ADGRE2: variants seen among roughly 807,000 people sequenced by gnomAD.
ADGRE2 encodes adhesion G protein-coupled receptor E2.
In ADGRE2, 83 loss-of-function variants were observed where a neutral mutation model predicts 100.8. The observed-to-expected ratio is 0.82, with a 90% CI of 0.69 to 0.99. The LOEUF is 0.99. Among genes scored for constraint, ADGRE2 ranks in the 50% least tolerant of loss-of-function variants. The probability of loss-of-function intolerance (pLI) is 0.00; values close to 1 mark genes in which losing one functional copy is unlikely to be tolerated. For synonymous variants in ADGRE2, 355 were observed against 413.0 expected, an observed-to-expected ratio of 0.86 and a Z score of 1.70; for missense variants, 814 against 1,035.7, an observed-to-expected ratio of 0.79 and a Z score of 2.94.
rs1326847703 is a variant in ADGRE2 at position 14,772,206 on chromosome 19, A to C, written c.355+136T>G. 7 of 1,277,476 alleles carry C rather than the reference A, an allele frequency of 5.5e-6. No individual in the cohort carries two copies. In the Admixed American group the frequency reaches 5.5e-5, roughly 10 times the overall value. The allele number at this position is 1,277,476 out of a possible 1,614,324, so 79.1% of individuals were successfully genotyped here. ...CTCTCTGGGCTGGCGAAACAGGTAC[A>C]TGCACACCTGTCTCATCTCAGACTC... On this transcript the variant is annotated intron_variant, in intron 5 of 20. Transcript: ENST00000315576.
chr19:14,730,948 C>T (rs1295599499), downstream of ADGRE2, among the ~76,000 whole-genome samples: 1 of 151,854 alleles, frequency 6.6e-6, no homozygotes, highest in Admixed American at 6.6e-5. Flanking sequence ...ATGATGGTTC[C>T]AGCTGCATTC....
Position 14,764,436 on chromosome 19 carries a change from T to G in ADGRE2, c.1081A>C (p.Thr361Pro). The change falls in exon 11 of 21, where the codon ACA (threonine) becomes CCA (proline). Residue 361 changes from threonine to proline, a missense_variant. This residue lies in a region of ADGRE2 where 569 missense variants were observed against 692.7 expected (regional missense o/e 0.82). Transcript: ENST00000315576. Reference protein sequence around the residue: ...GLLNFSYPAGTELSLEVQKQV... With the variant: ...GLLNFSYPAGPELSLEVQKQV... ...TGGGGCAGACCCAGGGACCTACCTGTGCCTGCAGGATAACTGAAGTTCAAC... is the reference window on the plus strand; with the variant it reads ...TGGGGCAGACCCAGGGACCTACCTGGGCCTGCAGGATAACTGAAGTTCAAC... The G allele has an allele frequency of 1.2e-6, 2 of 1,612,942 alleles. No individual in the cohort carries two copies. Among genetic ancestry groups the G allele is most frequent in the Non-Finnish European group, 1.7e-6 (2 of 1,179,878 alleles).
Position 14,736,023 on chromosome 19 carries a change from AGAGTTTGAT to A in ADGRE2, c.*204_*212del, listed in dbSNP as rs1444642472. 1 of 518,366 alleles carries A rather than the reference AGAGTTTGAT, an allele frequency of 1.9e-6. No homozygotes were observed. The highest frequency in any genetic ancestry group is 3.6e-6 in the Non-Finnish European group (1 of 279,258). 32.1% of individuals were successfully genotyped at this position (518,366 alleles called of 1,614,324 possible). Reference sequence around the variant, plus strand: ...GCCACAGCTGGCCGTCCATATGCTGAGAGTTTGATGAGCACATTGCAGGGCATGGAAGAT... The same window carrying A: ...GCCACAGCTGGCCGTCCATATGCTGAGAGCACATTGCAGGGCATGGAAGAT... On this transcript the variant is annotated 3_prime_UTR_variant, in exon 21 of 21. Transcript: ENST00000315576.
downstream of ADGRE2, chr19:14,731,024 G>C (rs2042666618): frequency 1.5e-6 from 1 of 664,834 alleles, no homozygotes; most frequent in Admixed American, 2.4e-5. Flanking sequence ...CTAAATAGCA[G>C]ATATTTAGGA....
At chr19:14,731,232 G>A (rs758453878), downstream of ADGRE2, 9 of 1,519,152 alleles carry the variant, frequency 5.9e-6, no homozygotes, top group East Asian at 4.9e-5. Flanking sequence ...TGTTCAGATC[G>A]CTAGAATCCA....
intron 20 of ADGRE2, among the ~76,000 whole-genome samples, chr19:14,740,900 C>G (rs1331981634): frequency 6.6e-6 from 1 of 151,894 alleles, no homozygotes; most frequent in Admixed American, 6.6e-5. Context: ...CCATGCCCAG[C>G]TAGTTTTTAT....
At chr19:14,755,923 TG>T in intron 12 of ADGRE2, 46 bp from the exon 13 acceptor site, 12 of 1,532,916 alleles carry the variant, frequency 7.8e-6, no homozygotes, top group Non-Finnish European at 1.1e-5. Flanking sequence ...GTTGAATCTC[TG>T]GGTCCACACC....
At chr19:14,741,173 C>A (rs2042919127) in intron 20 of ADGRE2, among the ~76,000 whole-genome samples, 1 of 147,986 alleles carries the variant, frequency 6.8e-6, no homozygotes, top group Non-Finnish European at 1.5e-5. Flanking sequence ...CTTGGCTCAC[C>A]ACAACTTTTA....
At chr19:14,724,474 A>C in the ADGRE2 span, among the ~76,000 whole-genome samples, 2 of 152,182 alleles carry the variant, frequency 1.3e-5, no homozygotes, top group Non-Finnish European at 2.9e-5. Context: ...TCCATTAAAA[A>C]GTTTGTTTAA....
At chr19:14,744,874 A>T (rs12327552) in intron 18 of ADGRE2, among the ~76,000 whole-genome samples, 14,746 of 151,572 alleles carry the variant, frequency 0.097, 2,446 homozygotes, top group African/African-American at 0.34. Flanking sequence ...GGAACAGGCA[A>T]GAAAATGTAC....
chr19:14,741,013 G>A (rs558939377), intron 20 of ADGRE2, among the ~76,000 whole-genome samples: 1 of 151,728 alleles, frequency 6.6e-6, no homozygotes, highest in Non-Finnish European at 1.5e-5. Context: ...CTACAGGCAT[G>A]TGCCACCACG....
At chr19:14,759,533 G>A in intron 11 of ADGRE2, among the ~76,000 whole-genome samples, 1 of 140,884 alleles carries the variant, frequency 7.1e-6, no homozygotes, top group African/African-American at 2.8e-5. Flanking sequence ...GTCTCACTCT[G>A]TCACCCAGGC....
At chr19:14,743,247 A>C (rs1357992260) in intron 20 of ADGRE2, among the ~76,000 whole-genome samples, 173 bp downstream of exon 20, 1 of 151,888 alleles carries the variant, frequency 6.6e-6, no homozygotes, top group Non-Finnish European at 1.5e-5. Context: ...TGACTGATTA[A>C]AAAAAAACAT....
chr19:14,742,886 G>A (rs1328445140), intron 20 of ADGRE2, among the ~76,000 whole-genome samples: 1 of 151,878 alleles, frequency 6.6e-6, no homozygotes, highest in African/African-American at 2.4e-5. Flanking sequence ...GTGTGTGAGA[G>A]TCAAACTAAG....
Position 14,765,369 on chromosome 19 carries a change from T to C in ADGRE2, c.857A>G (p.Gln286Arg), listed in dbSNP as rs1568613499. Reference protein sequence around the residue: ...QTLSRFFDKVQDLGRDYKPGL... With the variant: ...QTLSRFFDKVRDLGRDYKPGL... ...TGGCTTGTAGTCTCTGCCCAGGTCC[T>C]GGACTTTGTCGAAGAATCGGGAAAG... The change falls in exon 10 of 21, where the codon CAG becomes CGG. Residue 286 changes from glutamine (Q) to arginine (R), a missense_variant. This residue lies in a region of ADGRE2 where 569 missense variants were observed against 692.7 expected (regional missense o/e 0.82). Coordinates refer to ENST00000315576, the MANE Select transcript of ADGRE2 (RefSeq NM_013447.4). The C allele has an allele frequency of 6.2e-7, 1 of 1,614,190 alleles. No individual in the cohort carries two copies. Among genetic ancestry groups the C allele is most frequent in the Non-Finnish European group, 8.5e-7 (1 of 1,180,030 alleles).
At chr19:14,766,914 G>T in intron 6 of ADGRE2, 64 bp downstream of exon 6, 1 of 1,573,194 alleles carries the variant, frequency 6.4e-7, no homozygotes, top group Non-Finnish European at 8.6e-7. Flanking sequence ...CTGCTTTGGA[G>T]GACCTGACTC....
In ADGRE2 at chr19:14,736,816, A is replaced by C. The variant is rs1391122241; in HGVS notation, c.2464-572T>G. Among the ~76,000 whole-genome samples, 15 of 145,708 alleles carry C rather than the reference A, an allele frequency of 1.0e-4. No individual in the cohort carries two copies. The South Asian group carries it at 1.3e-3, about 12-fold the overall frequency. Reference sequence around the variant, plus strand: ...GATATTTAGAAATATATAGATATTTAGAAATATATAGATATTTAATATCTA... The same window carrying C: ...GATATTTAGAAATATATAGATATTTCGAAATATATAGATATTTAATATCTA... On this transcript the variant is annotated intron_variant, in intron 20 of 20. Coordinates refer to ENST00000315576, the MANE Select transcript of ADGRE2 (RefSeq NM_013447.4).
chr19:14,763,173 C>T (rs1360683574), intron 11 of ADGRE2, among the ~76,000 whole-genome samples: 4 of 152,000 alleles, frequency 2.6e-5, no homozygotes, highest in African/African-American at 9.7e-5. Flanking sequence ...GCAACCCCGT[C>T]TCTACTAAAA....
At chr19:14,749,648 T>C (rs2043217021) in intron 16 of ADGRE2, among the ~76,000 whole-genome samples, 2 of 144,578 alleles carry the variant, frequency 1.4e-5, no homozygotes, top group South Asian at 2.2e-4. Flanking sequence ...CTATGTTATG[T>C]AATTATTTAT....
Sources: gnomAD v4.1 joint callset for allele counts (sites outside exome capture counted in the v4.1 genomes callset) on GRCh38, gnomAD v4.1.1 for gene constraint, gnomAD v4.1.1 regional missense constraint, MANE v1.5 for transcripts, NCBI Gene and HGNC (gene_info 2026-07-23, HGNC 2026-07-21) for gene names.